The following C2CD3 variants were observed in gnomAD, a reference collection of about 807,000 sequenced individuals.
C2CD3 encodes the protein C2 domain containing 3 centriole elongation regulator, also known as C2 domain-containing protein 3.
A neutral mutation model predicts 234.0 loss-of-function variants in C2CD3; 148 were observed. That is an observed-to-expected ratio of 0.63 (90% CI 0.55 to 0.72). C2CD3 has a LOEUF of 0.72. Ranked by LOEUF, C2CD3 falls within the 30% of genes least tolerant of loss-of-function variation. The pLI is 0.00. For synonymous variants in C2CD3, 1,000 were observed against 1,035.4 expected (o/e 0.97, Z 0.66); for missense variants, 2,577 against 2,811.5 (o/e 0.92, Z 1.89).
At chr11:74,145,286 G>A (rs896425095) in intron 3 of C2CD3, among the ~76,000 whole-genome samples, 55 of 152,258 alleles carry the variant, frequency 3.6e-4, no homozygotes, top group African/African-American at 1.3e-3. Context: ...CATTCTCACT[G>A]TGGTTTTGAT....
Position 74,163,051 on chromosome 11 carries a change from A to C in C2CD3, c.326-1495T>G, listed in dbSNP as rs187253567. 4.3e-3 allele frequency among the ~76,000 whole-genome samples: 650 copies of C among 152,342 alleles called. 3 individuals are homozygous for C. Among genetic ancestry groups the C allele is most frequent in the African/African-American group, 0.015 (625 of 41,572 alleles). On this transcript the variant is annotated intron_variant, in intron 2 of 32. Coordinates refer to ENST00000334126, the MANE Select transcript of C2CD3 (RefSeq NM_001286577.2). Reference sequence around the variant, plus strand: ...GAAGAAATATAATGTATGCATAAGGAATCTCAGATCATTTCAGAACAGTTT... The same window carrying C: ...GAAGAAATATAATGTATGCATAAGGCATCTCAGATCATTTCAGAACAGTTT...
chr11:74,123,193 T>C, intron 7 of C2CD3, 58 bp from the exon 8 acceptor site: 1 of 1,321,268 alleles, frequency 7.6e-7, no homozygotes, highest in Admixed American at 1.9e-5. Context: ...GCTGAACTAT[T>C]CTCTCTTTAG....
intron 32 of C2CD3, among the ~76,000 whole-genome samples, chr11:74,027,538 A>T (rs554424286): frequency 6.6e-6 from 1 of 152,324 alleles, no homozygotes; most frequent in African/African-American, 2.4e-5. Context: ...ACCATCTTTA[A>T]CACAGCCTCC....
At chr11:74,039,657 T>C (rs826074) in intron 29 of C2CD3, among the ~76,000 whole-genome samples, 6,643 of 152,208 alleles carry the variant, frequency 0.044, 475 homozygotes, top group African/African-American at 0.15. Context: ...CAGGATACAC[T>C]TGGCAATGTC....
intron 3 of C2CD3, among the ~76,000 whole-genome samples, chr11:74,150,171 T>C (rs1404935606): frequency 6.8e-6 from 1 of 146,838 alleles, no homozygotes; most frequent in Non-Finnish European, 1.5e-5. Flanking sequence ...AAAAAAAAAA[T>C]TGATATCAAG....
intron 3 of C2CD3, among the ~76,000 whole-genome samples, chr11:74,150,502 AAAAAAAAAAAAAAC>A (rs1208464824): frequency 4.2e-4 from 48 of 114,838 alleles, no homozygotes; most frequent in East Asian, 3.8e-3. Flanking sequence ...CAAAAAAAAA[AAAAAAAAAAAAAAC>A]AAAAAAAAAA....
chr11:74,082,605 T>G lies in C2CD3; in HGVS notation c.4000+2276A>C, dbSNP rs544134240. Among the ~76,000 whole-genome samples, 6 of 152,320 alleles carry G rather than the reference T, an allele frequency of 3.9e-5. No homozygotes were observed. In the South Asian group the frequency reaches 1.2e-3, roughly 32 times the overall value. On this transcript the variant is annotated intron_variant, in intron 22 of 32. Coordinates refer to ENST00000334126, the MANE Select transcript of C2CD3 (RefSeq NM_001286577.2). Reference sequence around the variant, plus strand: ...ATTATGTTTATTGATTTGCATATGTTGAACCAGCCTTGCATCCCAGGGATG... The same window carrying G: ...ATTATGTTTATTGATTTGCATATGTGGAACCAGCCTTGCATCCCAGGGATG...
intron 29 of C2CD3, among the ~76,000 whole-genome samples, chr11:74,040,964 ATT>A (rs570727716): frequency 0.02 from 2,619 of 133,806 alleles, 82 homozygotes; most frequent in African/African-American, 0.066. Flanking sequence ...TTTTCCTTAA[ATT>A]TTTTTTTTTT....
chr11:74,065,533 T>C (rs1440901964), intron 24 of C2CD3, among the ~76,000 whole-genome samples: 5 of 152,132 alleles, frequency 3.3e-5, no homozygotes, highest in Non-Finnish European at 2.9e-5. Context: ...GAACTAGAAA[T>C]ACCATTTGAC....
chr11:74,042,842 T>G (rs895274255), intron 28 of C2CD3, among the ~76,000 whole-genome samples: 1 of 152,154 alleles, frequency 6.6e-6, no homozygotes, highest in Non-Finnish European at 1.5e-5. Flanking sequence ...TTGGCGTCCT[T>G]ATTATATGCC....
In C2CD3 at chr11:74,114,441, G is replaced by T; in HGVS notation, c.1673C>A (p.Thr558Asn). The T allele has an allele frequency of 1.2e-6, 2 of 1,613,450 alleles. No homozygotes were observed. The highest frequency in any genetic ancestry group is 1.7e-4 in the Middle Eastern group (1 of 6,060). The change falls in exon 10 of 33, where the codon ACC becomes AAC. Residue 558 changes from threonine to asparagine, a missense_variant. Physicochemically the swap from Thr to Asn is moderately conservative, Grantham distance 65. Transcript: ENST00000334126. Reference sequence around the variant, plus strand: ...ACCAGCATAGCTTTTTTTGCCAGGGGTCATCTGAGGACTATCTGGAGGAAC... The same window carrying T: ...ACCAGCATAGCTTTTTTTGCCAGGGTTCATCTGAGGACTATCTGGAGGAAC... ...MGVPPDSPQM[T>N]PGKKSYAGPP...
intron 22 of C2CD3, among the ~76,000 whole-genome samples, chr11:74,079,250 C>T (rs1242195288): frequency 6.6e-6 from 1 of 152,204 alleles, no homozygotes; most frequent in Non-Finnish European, 1.5e-5. Context: ...CAAAATCTTT[C>T]TCTATTGCCC....
intron 23 of C2CD3, among the ~76,000 whole-genome samples, chr11:74,077,498 G>A (rs1014145429): frequency 2.0e-5 from 3 of 151,744 alleles, no homozygotes; most frequent in Non-Finnish European, 2.9e-5. Flanking sequence ...CATGGATGAA[G>A]CCTGGAAACC....
chr11:74,136,769 G>C (rs1332273714), intron 5 of C2CD3, among the ~76,000 whole-genome samples: 26 of 151,872 alleles, frequency 1.7e-4, no homozygotes, highest in Non-Finnish European at 3.5e-4. Context: ...ATGGACACAG[G>C]GAGGGGAACA....
chr11:74,063,390 G>C (rs993014480), intron 24 of C2CD3, among the ~76,000 whole-genome samples: 1 of 151,418 alleles, frequency 6.6e-6, no homozygotes, highest in African/African-American at 2.4e-5. Flanking sequence ...TAAAATACTG[G>C]CAAACCGAAT....
intron 26 of C2CD3, among the ~76,000 whole-genome samples, chr11:74,050,357 C>G (rs979119836): frequency 1.3e-5 from 2 of 152,216 alleles, no homozygotes; most frequent in Admixed American, 1.3e-4. Context: ...AGGCTCTTCT[C>G]TACATGGTAA....
At position 74,133,515 on chromosome 11, in the gene C2CD3, A is replaced by G; in HGVS notation, c.998T>C (p.Ile333Thr). 1 of 1,614,112 alleles carries G rather than the reference A, an allele frequency of 6.2e-7. No individual in the cohort carries two copies. The highest frequency in any genetic ancestry group is 8.5e-7 in the Non-Finnish European group (1 of 1,179,974). The stretch of plus-strand genomic sequence containing the variant: ...CTCTGGGCTTGATTTCATTGCAGAA[A>G]TCACCATGGCATTACGCAGTTTATT... Reference protein sequence around the residue: ...QGNKLRNAMVISAMKSSPETS... With the variant: ...QGNKLRNAMVTSAMKSSPETS... Residue 333 changes from isoleucine (I) to threonine (T), a missense_variant, in exon 6 of 33, where the codon ATT (isoleucine) becomes ACT (threonine). Ile to Thr is a moderately conservative substitution (Grantham distance 89). Coordinates refer to ENST00000334126, the MANE Select transcript of C2CD3 (RefSeq NM_001286577.2).
chr11:74,112,870 T>G (rs1431036799), intron 11 of C2CD3, among the ~76,000 whole-genome samples: 1 of 152,224 alleles, frequency 6.6e-6, no homozygotes, highest in Non-Finnish European at 1.5e-5. Context: ...CAGCCACTGT[T>G]GAAAACAGTC....
At chr11:74,098,357 T>G in intron 15 of C2CD3, 102 bp from the exon 16 acceptor site, 1 of 1,233,528 alleles carries the variant, frequency 8.1e-7, no homozygotes, top group African/African-American at 1.5e-5. Flanking sequence ...AAAATAGATT[T>G]GCAACTGGAA....
Sources: gnomAD v4.1 joint callset for allele counts (sites outside exome capture counted in the v4.1 genomes callset) on GRCh38, gnomAD v4.1.1 for gene constraint, MANE v1.5 for transcripts, NCBI Gene and HGNC (gene_info 2026-07-23, HGNC 2026-07-21) for gene names.